The following TRIM14 variants were observed in gnomAD, a reference collection of about 807,000 sequenced individuals.
TRIM14 encodes tripartite motif containing 14, also known as tripartite motif-containing protein 14.
In TRIM14, 28 loss-of-function variants were observed where a neutral mutation model predicts 44.5. The ratio of observed to expected loss-of-function variants is 0.63; its 90% CI spans 0.47 to 0.86. The LOEUF is 0.86. TRIM14 is among the 40% of genes least tolerant of loss of function. The pLI is 0.00. For missense variants in TRIM14, 607 were observed against 611.1 expected (o/e 0.99, Z 0.07); for synonymous variants, 299 against 269.2 (o/e 1.11, Z -1.08).
At chr9:98,046,149 A>G in the TRIM14 span, among the ~76,000 whole-genome samples, 1 of 152,130 alleles carries the variant, frequency 6.6e-6, no homozygotes, top group African/African-American at 2.4e-5. Flanking sequence ...TTACACAGGA[A>G]AAAAAATCAT....
chr9:98,044,368 CTTTTTTTTT>C, the TRIM14 span, among the ~76,000 whole-genome samples: 2 of 110,504 alleles, frequency 1.8e-5, no homozygotes, highest in African/African-American at 7.3e-5. Context: ...TGCCCTTTCT[CTTTTTTTTT>C]TTTTTTTTTT....
At chr9:98,048,841 T>G in the TRIM14 span, among the ~76,000 whole-genome samples, 1 of 151,874 alleles carries the variant, frequency 6.6e-6, no homozygotes, top group South Asian at 2.1e-4. Context: ...GGCCACATGG[T>G]GAAACCCAGT....
Position 98,100,375 on chromosome 9 carries a change from G to A in TRIM14, c.304-211C>T, listed in dbSNP as rs114135954. 9.3e-3 allele frequency among the ~76,000 whole-genome samples: 1,409 copies of A among 152,202 alleles called. 20 individuals are homozygous for A. The highest frequency in any genetic ancestry group is 0.032 in the African/African-American group (1,336 of 41,528). ...GAGAAATAAAGATCCTTTTGAAAATGGGAGAAAAAATAGCAAAATATGTGG... is the reference window on the plus strand; with the variant it reads ...GAGAAATAAAGATCCTTTTGAAAATAGGAGAAAAAATAGCAAAATATGTGG... On this transcript the variant is annotated intron_variant, in intron 2 of 5. Coordinates refer to ENST00000341469, the MANE Select transcript of TRIM14 (RefSeq NM_014788.4).
At chr9:98,114,877 A>T (rs1280978738) in intron 1 of TRIM14, among the ~76,000 whole-genome samples, 1 of 152,162 alleles carries the variant, frequency 6.6e-6, no homozygotes, top group Non-Finnish European at 1.5e-5. Context: ...GACTAAACTG[A>T]TAGAGGATAA....
chr9:98,081,114 T>C (rs1320619255), downstream of TRIM14: 3 of 1,609,838 alleles, frequency 1.9e-6, no homozygotes, highest in Non-Finnish European at 2.5e-6. Context: ...TCGGTTCTGC[T>C]GCCGTGTGTG....
downstream of TRIM14, among the ~76,000 whole-genome samples, chr9:98,064,584 T>C (rs1253406556): frequency 2.0e-5 from 3 of 152,182 alleles, no homozygotes; most frequent in Non-Finnish European, 4.4e-5. Context: ...GTACACATTA[T>C]TGTTTATGAA....
At chr9:98,102,606 G>A (rs562124945) in intron 2 of TRIM14, among the ~76,000 whole-genome samples, 2 of 152,230 alleles carry the variant, frequency 1.3e-5, no homozygotes, top group South Asian at 2.1e-4. Context: ...TTATCATTCC[G>A]CTTATGTGAA....
the TRIM14 span, among the ~76,000 whole-genome samples, chr9:98,039,010 A>G: frequency 6.6e-6 from 1 of 151,216 alleles, no homozygotes; most frequent in East Asian, 2.0e-4. Flanking sequence ...AGGTCGCGCC[A>G]CTGCACCCCA....
chr9:98,109,964 T>C lies in TRIM14; in HGVS notation c.228A>G (p.Leu76=), dbSNP rs1826782256. ...VHVQKLSQEC[L]KQLAIKKQQH... ...GCTGCTTCTTGATTGCCAGCTGCTT[T>C]AAACATTCTTGGCTGAGTTTCTGTA... The change falls in exon 2 of 6, where the codon TTA becomes TTG. Residue 76 remains leucine, a synonymous_variant. Coordinates refer to ENST00000341469, the MANE Select transcript of TRIM14 (RefSeq NM_014788.4). 1 of 1,613,996 alleles carries C rather than the reference T, an allele frequency of 6.2e-7. No individual in the cohort carries two copies. The highest frequency in any genetic ancestry group is 1.3e-5 in the African/African-American group (1 of 74,908).
Position 98,087,363 on chromosome 9 carries a change from G to C in TRIM14, c.*107C>G. On this transcript the variant is annotated 3_prime_UTR_variant, in exon 6 of 6. Transcript: ENST00000341469. Reference sequence around the variant, plus strand: ...TCGGGGAAAGCTGGGGCAGGGAGAGGGCCCTAAGAAGCAGGCAGTAAGGGG... The same window carrying C: ...TCGGGGAAAGCTGGGGCAGGGAGAGCGCCCTAAGAAGCAGGCAGTAAGGGG... The C allele has an allele frequency of 1.3e-6, 2 of 1,508,628 alleles. No homozygotes were observed. Among genetic ancestry groups the C allele is most frequent in the Non-Finnish European group, 1.8e-6 (2 of 1,084,472 alleles). The allele number at this position is 1,508,628 out of a possible 1,614,324, so 93.5% of individuals were successfully genotyped here.
rs1825743683 is a variant in TRIM14, at chr9:98,085,562, T to G, written c.*1908A>C. Reference sequence around the variant, plus strand: ...GATGGGCAGAAATGTTGGGGTCAAGTGTATTCATCTTCCCTCTGTCAGGAA... The same window carrying G: ...GATGGGCAGAAATGTTGGGGTCAAGGGTATTCATCTTCCCTCTGTCAGGAA... On this transcript the variant is annotated 3_prime_UTR_variant, in exon 6 of 6. Transcript: ENST00000341469. 1 of 152,196 alleles carries G rather than the reference T, an allele frequency of 6.6e-6. No homozygotes were observed. The allele number at this position is 152,196 out of a possible 1,614,324, so 9.4% of individuals were successfully genotyped here.
At chr9:98,099,443 A>C in intron 3 of TRIM14, among the ~76,000 whole-genome samples, 2 of 129,726 alleles carry the variant, frequency 1.5e-5, no homozygotes, top group Admixed American at 8.4e-5. Context: ...CAAGAGAGAA[A>C]CTCCATCTCA....
chr9:98,067,725 C>CTTTTTTTTTTTT (rs377486473), downstream of TRIM14, among the ~76,000 whole-genome samples: 1 of 148,106 alleles, frequency 6.8e-6, no homozygotes. Context: ...TTTTCACTTT[C>CTTTTTTTTTTTT]TTTTTTTTTT....
At chr9:98,099,808 A>G (rs1564181070) in intron 3 of TRIM14, 123 bp downstream of exon 3, 2 of 814,526 alleles carry the variant, frequency 2.5e-6, no homozygotes, top group Non-Finnish European at 3.9e-6. Context: ...GACAGTCTAC[A>G]TGGTGACAAG....
the TRIM14 span, among the ~76,000 whole-genome samples, chr9:98,045,941 A>G: frequency 6.6e-6 from 1 of 152,304 alleles, no homozygotes; most frequent in East Asian, 1.9e-4. Context: ...GGAAATCACA[A>G]CAGAAATTGG....
chr9:98,082,840 C>G (rs981427869), downstream of TRIM14: 2 of 1,613,606 alleles, frequency 1.2e-6, no homozygotes, highest in Non-Finnish European at 1.7e-6. Flanking sequence ...TTCATTTTGT[C>G]CACAGCTGGG....
At chr9:98,061,086 A>C in the TRIM14 span, 1 of 1,251,038 alleles carries the variant, frequency 8.0e-7, no homozygotes, top group East Asian at 2.4e-5. Flanking sequence ...GGCCACCTCC[A>C]GCCCTTGCTC....
chr9:98,041,982 C>T, the TRIM14 span, among the ~76,000 whole-genome samples: 2 of 151,702 alleles, frequency 1.3e-5, no homozygotes, highest in African/African-American at 4.8e-5. Context: ...CGCGCCTGGC[C>T]TAAGGACATC....
intron 3 of TRIM14, among the ~76,000 whole-genome samples, chr9:98,097,185 C>A (rs1190950320): frequency 6.6e-6 from 1 of 152,160 alleles, no homozygotes; most frequent in Non-Finnish European, 1.5e-5. Flanking sequence ...TAGAGTGAGA[C>A]CCTGTCTCAA....
Sources: allele counts gnomAD v4.1 joint callset (sites outside exome capture counted in the v4.1 genomes callset), GRCh38; gene constraint gnomAD v4.1.1; transcripts MANE v1.5; gene names NCBI Gene and HGNC (gene_info 2026-07-23, HGNC 2026-07-21).